The following MROH1 variants were observed in gnomAD, a reference collection of about 807,000 sequenced individuals.
MROH1 encodes the protein maestro heat-like repeat-containing protein family member 1.
In MROH1, 117 loss-of-function variants were observed where a neutral mutation model predicts 116.5. The observed-to-expected ratio is 1.00, with a 90% confidence interval of 0.86 to 1.17. MROH1 has a LOEUF of 1.17. Ranked by LOEUF, MROH1 falls within the 50% of genes most tolerant of loss-of-function variation. The pLI, the probability that MROH1 is intolerant of heterozygous loss-of-function variation, is 0.00. For missense variants in MROH1, 1,873 were observed against 1,338.5 expected, an observed-to-expected ratio of 1.40 and a Z score of -6.23; for synonymous variants, 921 against 583.9, an observed-to-expected ratio of 1.58 and a Z score of -8.32.
At chr8:144,179,637 G>C in intron 5 of MROH1, 51 bp downstream of exon 5, 1 of 1,560,386 alleles carries the variant, frequency 6.4e-7, no homozygotes, top group Non-Finnish European at 8.7e-7. Flanking sequence ...CTTGGGAAGG[G>C]AAGCTGCTTC....
chr8:144,216,809 C>T (rs1294360834), intron 12 of MROH1, among the ~76,000 whole-genome samples: 1 of 151,802 alleles, frequency 6.6e-6, no homozygotes, highest in Non-Finnish European at 1.5e-5. Flanking sequence ...CCTGCCTCAG[C>T]TTCCCGAGTA....
At chr8:144,247,484 T>C in intron 30 of MROH1, 48 bp downstream of exon 30, 1 of 764,612 alleles carries the variant, frequency 1.3e-6, no homozygotes, top group Admixed American at 1.8e-5. Context: ...GCAGGGGTGC[T>C]TGGAGGGATG....
chr8:144,192,422 G>T, intron 10 of MROH1, 21 bp downstream of exon 10: 1 of 1,556,992 alleles, frequency 6.4e-7, no homozygotes, highest in Non-Finnish European at 8.7e-7. Context: ...GGCGTCAGGG[G>T]GCGGGTCCAG....
intron 43 of MROH1, 36 bp downstream of exon 43, chr8:144,261,385 C>G: frequency 1.4e-6 from 1 of 700,734 alleles, no homozygotes; most frequent in Non-Finnish European, 2.6e-6. Context: ...CCGCTGGGCC[C>G]TGCTGACCCT....
intron 3 of MROH1, 40 bp from the exon 4 acceptor site, chr8:144,168,255 G>A (rs906698231): frequency 1.1e-5 from 17 of 1,533,392 alleles, no homozygotes; most frequent in African/African-American, 5.4e-5. Flanking sequence ...AGGAGAGGGC[G>A]CTTGGGCCTG....
chr8:144,159,982 G>A (rs1263614898), intron 1 of MROH1, among the ~76,000 whole-genome samples: 3 of 152,034 alleles, frequency 2.0e-5, no homozygotes, highest in Non-Finnish European at 4.4e-5. Flanking sequence ...TGTTAGCCAG[G>A]ATGGTCTTGA....
intron 1 of MROH1, among the ~76,000 whole-genome samples, chr8:144,160,633 A>T (rs1468511344): frequency 6.6e-6 from 1 of 150,916 alleles, no homozygotes; most frequent in African/African-American, 2.5e-5. Context: ...GAAGTCTACC[A>T]AGGGTCCCAC....
At chr8:144,222,522 A>G (rs1836993460) in intron 13 of MROH1, among the ~76,000 whole-genome samples, 1 of 152,142 alleles carries the variant, frequency 6.6e-6, no homozygotes, top group Non-Finnish European at 1.5e-5. Flanking sequence ...GTACAGGTAC[A>G]TCCAGGTACA....
At chr8:144,175,247 C>T (rs1362993370) in intron 4 of MROH1, 89 of 795,736 alleles carry the variant, frequency 1.1e-4, no homozygotes, top group Middle Eastern at 6.6e-4. Context: ...GCAGCGGGTC[C>T]GGTCGGATGG....
intron 10 of MROH1, among the ~76,000 whole-genome samples, chr8:144,193,788 T>A (rs1162831688): frequency 1.3e-5 from 2 of 152,034 alleles, no homozygotes; most frequent in African/African-American, 4.8e-5. Context: ...TTTGTATTTT[T>A]AGTAGAGATG....
chr8:144,150,145 C>T (rs1816370436), intron 1 of MROH1, among the ~76,000 whole-genome samples: 1 of 152,146 alleles, frequency 6.6e-6, no homozygotes, highest in African/African-American at 2.4e-5. Context: ...CTGTTGTGGG[C>T]ACAGGTGTGG....
At chr8:144,171,023 TGGG>T (rs1184475306) in intron 4 of MROH1, among the ~76,000 whole-genome samples, 2 of 152,170 alleles carry the variant, frequency 1.3e-5, no homozygotes, top group Non-Finnish European at 2.9e-5. Flanking sequence ...TGTGACCAAA[TGGG>T]GGGGATTTCT....
At chr8:144,212,910 A>C in intron 12 of MROH1, 2 of 703,388 alleles carry the variant, frequency 2.8e-6, no homozygotes, top group Non-Finnish European at 5.3e-6. Context: ...TTACGTCTCT[A>C]TCTCTGTTCT....
intron 33 of MROH1, among the ~76,000 whole-genome samples, chr8:144,252,842 G>A (rs1843064622): frequency 6.6e-6 from 1 of 151,770 alleles, no homozygotes. Flanking sequence ...TGTAATCACA[G>A]CTACTCGGGA....
chr8:144,191,062 G>A, intron 8 of MROH1, 127 bp downstream of exon 8: 1 of 1,023,066 alleles, frequency 9.8e-7, no homozygotes, highest in Non-Finnish European at 1.4e-6. Context: ...CCCAATGGGA[G>A]GTGGCTCACC....
chr8:144,227,168 G>C (rs146098380), intron 14 of MROH1, among the ~76,000 whole-genome samples: 1 of 152,202 alleles, frequency 6.6e-6, no homozygotes. Context: ...TCTACATAGA[G>C]CATCATGTCT....
In MROH1 at chr8:144,247,575, CG is replaced by C. The variant is rs1457507882; in HGVS notation, c.3019del (p.Asp1007ThrfsTer32). On this transcript the variant is annotated frameshift_variant, in exon 31 of 44. Coordinates refer to ENST00000326134, the MANE Select transcript of MROH1 (RefSeq NM_032450.3). LOFTEE classifies it high-confidence loss of function. The stretch of plus-strand genomic sequence containing the variant: ...TTCCTGCCGCCTCTCAGGCTTCTCC[CG>C]GGACTACCGCGATGACGTGGCGGAG... ...YLQLGYEGFS[R>X]DYRDDVAERL... 6 of 774,232 alleles carry C rather than the reference CG, an allele frequency of 7.7e-6. No homozygotes were observed. Among genetic ancestry groups the C allele is most frequent in the Admixed American group, 5.1e-5 (3 of 58,830 alleles). The allele number at this position is 774,232 out of a possible 1,614,324, so 48.0% of individuals were successfully genotyped here.
At position 144,260,713 on chromosome 8, in the gene MROH1, T is replaced by G; in HGVS notation, c.4417T>G (p.Phe1473Val). The G allele has an allele frequency of 1.3e-6, 1 of 779,634 alleles. No homozygotes were observed. 48.3% of individuals were successfully genotyped at this position (779,634 alleles called of 1,614,324 possible). ...GTTCCGGACGGCATCTATCCGCCTC[T>G]TTGGGCACCTTAACAAGGTCTGCCA... ...MEFRTASIRL[F>V]GHLNKVCHGD... Residue 1473 changes from phenylalanine (F) to valine (V), a missense_variant, in exon 40 of 44, where the codon TTT becomes GTT. Coordinates refer to ENST00000326134, the MANE Select transcript of MROH1 (RefSeq NM_032450.3).
intron 3 of MROH1, among the ~76,000 whole-genome samples, chr8:144,166,726 G>C (rs1820928740): frequency 6.6e-6 from 1 of 152,128 alleles, no homozygotes. Flanking sequence ...CGCCCAGCCA[G>C]GGCACTGCAA....
Sources: allele counts gnomAD v4.1 joint callset (sites outside exome capture counted in the v4.1 genomes callset), GRCh38; gene constraint gnomAD v4.1.1; transcripts MANE v1.5; gene names NCBI Gene and HGNC (gene_info 2026-07-23, HGNC 2026-07-21).